FGF13: variants seen among roughly 807,000 people sequenced by gnomAD.
FGF13 encodes fibroblast growth factor 13.
Under a neutral mutation model 19.5 loss-of-function variants are expected in FGF13, and 2 were observed. That is an observed-to-expected ratio of 0.10 (90% CI 0.04 to 0.32). The LOEUF is 0.32. Among genes scored for constraint, FGF13 ranks in the 10% least tolerant of loss-of-function variants. The pLI is 1.00. For missense variants in FGF13, 113 were observed against 192.7 expected (o/e 0.59, Z 2.45); for synonymous variants, 72 against 76.9 (o/e 0.94, Z 0.33).
intron 3 of FGF13, among the ~76,000 whole-genome samples, chrX:138,684,717 T>C (rs1170882058): frequency 8.9e-6 from 1 of 111,840 alleles, no homozygotes; most frequent in Non-Finnish European, 1.9e-5. Flanking sequence ...AGGCTTTTTA[T>C]GAGGTTGTAA....
chrX:139,159,293 C>T (rs181251489), intron 1 of FGF13, among the ~76,000 whole-genome samples: 1 of 111,733 alleles, frequency 8.9e-6, no homozygotes, highest in Non-Finnish European at 1.9e-5. Flanking sequence ...GATTTTGTCA[C>T]CAGCAGGTCT....
At chrX:139,136,185 G>A (rs1273709396) in intron 1 of FGF13, among the ~76,000 whole-genome samples, 1 of 111,223 alleles carries the variant, frequency 9.0e-6, no homozygotes, top group Non-Finnish European at 1.9e-5. Flanking sequence ...TCTGAAGTAT[G>A]AGTGTTGTTT....
chrX:138,897,137 G>A (rs1198332704), intron 1 of FGF13, among the ~76,000 whole-genome samples: 2 of 111,233 alleles, frequency 1.8e-5, no homozygotes, highest in Non-Finnish European at 3.8e-5. Context: ...AGCCTCCAGA[G>A]TAGCTGGGAC....
intron 3 of FGF13, among the ~76,000 whole-genome samples, chrX:138,836,848 C>A (rs1426549887): frequency 9.3e-6 from 1 of 107,842 alleles, no homozygotes; most frequent in Non-Finnish European, 1.9e-5. Context: ...TATCTACTTT[C>A]AATCTTTGAG....
chrX:138,782,509 T>TACA (rs922344560), intron 3 of FGF13, among the ~76,000 whole-genome samples: 1 of 109,824 alleles, frequency 9.1e-6, no homozygotes, highest in African/African-American at 3.3e-5. Context: ...AGCATTCCTA[T>TACA]ACAACAACAA....
intron 1 of FGF13, among the ~76,000 whole-genome samples, chrX:139,138,606 G>T (rs1231567613): frequency 9.0e-6 from 1 of 111,295 alleles, no homozygotes; most frequent in Non-Finnish European, 1.9e-5. Context: ...ATATCTTACA[G>T]ACACACAGTA....
At chrX:138,694,436 T>A (rs2089870598) in intron 3 of FGF13, among the ~76,000 whole-genome samples, 1 of 107,906 alleles carries the variant, frequency 9.3e-6, no homozygotes, top group South Asian at 4.0e-4. Context: ...AATTTTTTCT[T>A]TTTTCTTTTC....
At position 138,913,675 on chromosome X, in the gene FGF13, AGG is replaced by A. The variant is rs1481715338; in HGVS notation, c.-112-49027_-112-49026del. Among the ~76,000 whole-genome samples the A allele has an allele frequency of 4.1e-4, 42 of 103,682 alleles. 1 individual carries two copies. The highest frequency in any genetic ancestry group is 3.4e-4 in the Non-Finnish European group (17 of 50,218). 90.0% of individuals were successfully genotyped at this position (103,682 alleles called of 115,157 possible). A position where few individuals can be genotyped will look rare whatever the true frequency, so the allele number is the denominator to read the frequency against. ...AAGGAAGGAAGGAAGGAAGGAAGGA[AGG>A]AAGGAAGGAAGGAAGGAAGGAAGGA... On this transcript the variant is annotated intron_variant, in intron 1 of 2. Transcript: ENST00000421460.
At chrX:138,854,664 T>G (rs748760950), downstream of FGF13, among the ~76,000 whole-genome samples, 1 of 112,574 alleles carries the variant, frequency 8.9e-6, no homozygotes, top group South Asian at 3.7e-4. Context: ...TAATCATTTC[T>G]AAAGCTTACG....
In FGF13 at chrX:138,623,206, T is replaced by C. The variant is rs1341826644; in HGVS notation, c.*9644A>G. ...AAATGTGATGTTAAGTTCTTTTAGC[T>C]AGTATTTTGTTGTGGATTTTTGCAT... On this transcript the variant is annotated 3_prime_UTR_variant, in exon 5 of 5. Transcript: ENST00000315930. The C allele has an allele frequency of 9.0e-6, 1 of 111,564 alleles. No homozygotes were observed. Among genetic ancestry groups the C allele is most frequent in the Non-Finnish European group, 1.9e-5 (1 of 53,153 alleles). The allele number at this position is 111,564 out of a possible 1,213,427, so 9.2% of individuals were successfully genotyped here.
intron 1 of FGF13, among the ~76,000 whole-genome samples, chrX:139,191,600 G>T (rs2084329804): frequency 9.0e-6 from 1 of 111,418 alleles, no homozygotes; most frequent in African/African-American, 3.3e-5. Context: ...CACTTGATTG[G>T]TCATGAACCA....
chrX:138,944,848 A>C (rs774118173), intron 1 of FGF13, among the ~76,000 whole-genome samples: 3 of 111,678 alleles, frequency 2.7e-5, no homozygotes, highest in Admixed American at 1.9e-4. Flanking sequence ...CAATTCTCTC[A>C]CTGGTATTTT....
intron 3 of FGF13, among the ~76,000 whole-genome samples, chrX:138,823,102 C>G (rs2091010328): frequency 9.0e-6 from 1 of 111,574 alleles, no homozygotes. Flanking sequence ...TGAAAGTTCA[C>G]AGCCTCCTGA....
chrX:139,112,617 C>A (rs746951084), intron 1 of FGF13, among the ~76,000 whole-genome samples: 75 of 111,853 alleles, frequency 6.7e-4, no homozygotes, highest in African/African-American at 2.4e-3. Context: ...CAAATCCAAG[C>A]TCTACAACTT....
At chrX:138,927,943 T>C (rs1190957613) in intron 1 of FGF13, among the ~76,000 whole-genome samples, 5 of 112,041 alleles carry the variant, frequency 4.5e-5, no homozygotes, top group African/African-American at 1.6e-4. Flanking sequence ...TATTTACATA[T>C]AAAGCTATTT....
chrX:139,184,319 A>G (rs889982978), intron 1 of FGF13, among the ~76,000 whole-genome samples: 1 of 112,102 alleles, frequency 8.9e-6, no homozygotes, highest in Non-Finnish European at 1.9e-5. Context: ...CCCTTGTTCA[A>G]TAAAAAACAC....
intron 1 of FGF13, among the ~76,000 whole-genome samples, chrX:139,161,318 A>C (rs978722119): frequency 8.9e-6 from 1 of 112,037 alleles, no homozygotes; most frequent in Non-Finnish European, 1.9e-5. Flanking sequence ...AACCCTCAAT[A>C]AACTAGGTAT....
intron 1 of FGF13, among the ~76,000 whole-genome samples, chrX:138,898,450 TACTC>T (rs1405081577): frequency 8.9e-6 from 1 of 111,913 alleles, no homozygotes; most frequent in Non-Finnish European, 1.9e-5. Context: ...CATTTCCTTC[TACTC>T]ACTCACTGAG....
At position 138,667,513 on chromosome X, in the gene FGF13, C is replaced by T. The variant is rs1336312229; in HGVS notation, c.403-31858G>A. Among the ~76,000 whole-genome samples, 3 of 111,153 alleles carry T rather than the reference C, an allele frequency of 2.7e-5. No homozygotes were observed. The East Asian group carries it at 8.4e-4, about 31-fold the overall frequency. On this transcript the variant is annotated intron_variant, in intron 3 of 4. Transcript: ENST00000315930. ...AAGAAAAGCTCAATTAGAAACTTAA[C>T]ATTCTTACTGAACCTGACTATAAGA...
Sources: gnomAD v4.1 joint callset for allele counts (sites outside exome capture counted in the v4.1 genomes callset) on GRCh38, gnomAD v4.1.1 for gene constraint, MANE v1.5 for transcripts, NCBI Gene and HGNC (gene_info 2026-07-23, HGNC 2026-07-21) for gene names.